The following CSMD1 variants were observed in gnomAD, a reference collection of about 807,000 sequenced individuals.
CSMD1 encodes the protein CUB and Sushi multiple domains 1, also known as CUB and sushi domain-containing protein 1.
Under a neutral mutation model 417.5 loss-of-function variants are expected in CSMD1, and 213 were observed. That is an observed-to-expected ratio of 0.51 (90% CI 0.46 to 0.57). The LOEUF (loss-of-function observed/expected upper bound fraction) is 0.57. Ranked by LOEUF, CSMD1 falls within the 20% of genes least tolerant of loss-of-function variation. CSMD1 has a pLI of 0.00. For missense variants in CSMD1, 6,923 were observed against 4,529.7 expected (o/e 1.53, Z -15.17); for synonymous variants, 2,862 against 1,736.8 (o/e 1.65, Z -16.11).
chr8:3,093,486 G>T (rs1411058616), intron 47 of CSMD1, among the ~76,000 whole-genome samples: 1 of 152,110 alleles, frequency 6.6e-6, no homozygotes, highest in Non-Finnish European at 1.5e-5. Context: ...GGCCAATATG[G>T]TAAAACCCCA....
At chr8:4,936,573 T>C (rs1331003265) in intron 1 of CSMD1, among the ~76,000 whole-genome samples, 1 of 152,220 alleles carries the variant, frequency 6.6e-6, no homozygotes, top group Non-Finnish European at 1.5e-5. Flanking sequence ...GCATTTTAAG[T>C]AGACCTACCT....
At chr8:3,298,752 C>G (rs1366192567) in intron 25 of CSMD1, among the ~76,000 whole-genome samples, 1 of 152,226 alleles carries the variant, frequency 6.6e-6, no homozygotes. Flanking sequence ...TCGTGCCCGA[C>G]AATTATCTTT....
At chr8:4,053,160 C>A (rs916109077) in intron 3 of CSMD1, among the ~76,000 whole-genome samples, 1 of 152,172 alleles carries the variant, frequency 6.6e-6, no homozygotes, top group African/African-American at 2.4e-5. Context: ...TTAGTGAAAT[C>A]TGAACTACAG....
At chr8:3,757,898 TG>T (rs1797752156) in intron 5 of CSMD1, among the ~76,000 whole-genome samples, 1 of 151,876 alleles carries the variant, frequency 6.6e-6, no homozygotes, top group Non-Finnish European at 1.5e-5. Flanking sequence ...AACACCGAGC[TG>T]GAAGATAAAC....
intron 37 of CSMD1, among the ~76,000 whole-genome samples, chr8:3,179,806 C>T (rs1041032528): frequency 2.0e-5 from 3 of 152,216 alleles, no homozygotes; most frequent in African/African-American, 7.2e-5. Flanking sequence ...ACACATCCTA[C>T]ATAAGTAACA....
At chr8:3,316,691 T>C (rs1034633775) in intron 23 of CSMD1, among the ~76,000 whole-genome samples, 2 of 151,882 alleles carry the variant, frequency 1.3e-5, no homozygotes, top group Non-Finnish European at 2.9e-5. Context: ...CGTGTGGCGG[T>C]TGTGATGGAG....
At chr8:4,148,908 C>T (rs909229175) in intron 3 of CSMD1, among the ~76,000 whole-genome samples, 1 of 152,130 alleles carries the variant, frequency 6.6e-6, no homozygotes, top group Non-Finnish European at 1.5e-5. Context: ...CATAGTTCAC[C>T]ATCATCTGCA....
At chr8:4,730,911 T>C (rs972060039) in intron 1 of CSMD1, among the ~76,000 whole-genome samples, 5 of 61,238 alleles carry the variant, frequency 8.2e-5, no homozygotes, top group Non-Finnish European at 1.8e-4. Context: ...CCGTGCTTTG[T>C]TTCCAGTCAT....
At chr8:3,649,908 G>A (rs374877850) in intron 7 of CSMD1, among the ~76,000 whole-genome samples, 1 of 152,056 alleles carries the variant, frequency 6.6e-6, no homozygotes, top group South Asian at 2.1e-4. Context: ...CCAGAGCTTT[G>A]TGCATGGTAT....
chr8:3,371,248 T>G (rs2116714787), intron 18 of CSMD1, among the ~76,000 whole-genome samples: 1 of 152,306 alleles, frequency 6.6e-6, no homozygotes, highest in African/African-American at 2.4e-5. Context: ...TCTGTTTCTC[T>G]GGAGCACACT....
chr8:4,323,227 A>G (rs2128885477), intron 3 of CSMD1, among the ~76,000 whole-genome samples: 1 of 152,202 alleles, frequency 6.6e-6, no homozygotes, highest in East Asian at 1.9e-4. Context: ...TTGTAAGAGA[A>G]GTTAGGCATT....
chr8:3,342,645 C>G (rs1807734817), intron 23 of CSMD1, among the ~76,000 whole-genome samples: 1 of 152,124 alleles, frequency 6.6e-6, no homozygotes, highest in Non-Finnish European at 1.5e-5. Flanking sequence ...TCATTTACAT[C>G]TTTAAAAACA....
intron 2 of CSMD1, among the ~76,000 whole-genome samples, chr8:4,461,976 C>T (rs188993752): frequency 6.6e-6 from 1 of 152,120 alleles, no homozygotes; most frequent in Non-Finnish European, 1.5e-5. Context: ...CTCCCGACCT[C>T]CTGATCCGCC....
intron 1 of CSMD1, among the ~76,000 whole-genome samples, chr8:4,883,334 A>C (rs1223218104): frequency 6.6e-6 from 1 of 152,150 alleles, no homozygotes; most frequent in African/African-American, 2.4e-5. Flanking sequence ...TATAATTATC[A>C]GATATAATTT....
chr8:4,056,386 T>C (rs997456950), intron 3 of CSMD1, among the ~76,000 whole-genome samples: 12 of 150,952 alleles, frequency 7.9e-5, no homozygotes, highest in African/African-American at 3.0e-4. Context: ...CCCAGCCATA[T>C]TGGTGAATTT....
intron 12 of CSMD1, among the ~76,000 whole-genome samples, chr8:3,432,276 G>A (rs1034334997): frequency 6.6e-6 from 1 of 151,976 alleles, no homozygotes; most frequent in Non-Finnish European, 1.5e-5. Context: ...AAATATTTGG[G>A]ATTGAGAAAC....
At position 3,196,730 on chromosome 8, in the gene CSMD1, A is replaced by G. The variant is rs1168365463; in HGVS notation, c.5194+2984T>C. Among the ~76,000 whole-genome samples, 4 of 152,196 alleles carry G rather than the reference A, an allele frequency of 2.6e-5. No individual in the cohort carries two copies. In the South Asian group the frequency reaches 8.3e-4, roughly 32 times the overall value. ...TGCAAACAGTGCTCCATAATCACTG[A>G]AACTTGTTGGTAATGCAGGTCACTC... is the stretch of plus-strand genomic sequence containing the variant. On this transcript the variant is annotated intron_variant, in intron 33 of 69. Coordinates refer to ENST00000635120, the MANE Select transcript of CSMD1 (RefSeq NM_033225.6).
chr8:4,192,300 T>C (rs776695643), intron 3 of CSMD1, among the ~76,000 whole-genome samples: 7 of 152,196 alleles, frequency 4.6e-5, no homozygotes, highest in Non-Finnish European at 4.4e-5. Flanking sequence ...TTTCATAAAG[T>C]ATGCAATTAC....
intron 1 of CSMD1, among the ~76,000 whole-genome samples, chr8:4,856,912 G>A (rs1360411504): frequency 6.6e-6 from 1 of 152,022 alleles, no homozygotes; most frequent in Non-Finnish European, 1.5e-5. Flanking sequence ...TGAACCAAGT[G>A]GACCTAATAG....
Sources: gnomAD v4.1 joint callset for allele counts (sites outside exome capture counted in the v4.1 genomes callset) on GRCh38, gnomAD v4.1.1 for gene constraint, MANE v1.5 for transcripts, NCBI Gene and HGNC (gene_info 2026-07-23, HGNC 2026-07-21) for gene names.